PKIB: variants seen among roughly 807,000 people sequenced by gnomAD.
PKIB encodes the protein cAMP-dependent protein kinase inhibitor beta, also known as PKI-beta.
Under a neutral mutation model 4.5 loss-of-function variants are expected in PKIB, and 2 were observed. The ratio of observed to expected loss-of-function variants is 0.44; its 90% confidence interval spans 0.18 to 1.39. PKIB has a LOEUF of 1.39. PKIB is among the 40% of genes most tolerant of loss of function. The pLI is 0.27. For synonymous variants in PKIB, 38 were observed against 36.0 expected (o/e 1.06, Z -0.20); for missense variants, 94 against 92.6 (o/e 1.02, Z -0.06).
chr6:122,630,209 T>G (rs1299516913), intron 1 of PKIB, among the ~76,000 whole-genome samples: 3 of 152,122 alleles, frequency 2.0e-5, no homozygotes, highest in African/African-American at 7.2e-5. Context: ...AGCAGGGTGT[T>G]GAGGGGATAT....
At chr6:122,506,785 C>T (rs559436225) in intron 2 of PKIB, among the ~76,000 whole-genome samples, 79 of 148,884 alleles carry the variant, frequency 5.3e-4, no homozygotes, top group East Asian at 3.0e-3. Flanking sequence ...CTGCAAGCTC[C>T]GCCTCCCGGG....
chr6:122,709,006 A>C (rs574647841), intron 3 of PKIB, among the ~76,000 whole-genome samples: 2 of 152,334 alleles, frequency 1.3e-5, no homozygotes, highest in South Asian at 4.2e-4. Context: ...GTTGCTTAAA[A>C]GAATAATTGA....
intron 2 of PKIB, among the ~76,000 whole-genome samples, chr6:122,487,512 T>C (rs866796510): frequency 5.9e-5 from 9 of 152,282 alleles, no homozygotes; most frequent in Middle Eastern, 3.4e-3. Flanking sequence ...GCCTTCATGA[T>C]TGGGATTTAT....
At chr6:122,619,438 C>G (rs1217382633) in intron 1 of PKIB, among the ~76,000 whole-genome samples, 2 of 150,248 alleles carry the variant, frequency 1.3e-5, no homozygotes, top group African/African-American at 2.4e-5. Flanking sequence ...TTTTTTATAG[C>G]TATTTGTCCT....
intron 1 of PKIB, among the ~76,000 whole-genome samples, chr6:122,623,164 G>T (rs1775307889): frequency 6.6e-6 from 1 of 152,128 alleles, no homozygotes; most frequent in South Asian, 2.1e-4. Context: ...ACTAATATTT[G>T]AGATATTCTT....
chr6:122,611,135 G>A (rs573461836), intron 1 of PKIB, among the ~76,000 whole-genome samples: 1 of 152,374 alleles, frequency 6.6e-6, no homozygotes, highest in South Asian at 2.1e-4. Flanking sequence ...ACCCCGGCAG[G>A]CCGCAGGGAG....
At chr6:122,667,267 G>A (rs1562292842) in intron 2 of PKIB, among the ~76,000 whole-genome samples, 4 of 152,264 alleles carry the variant, frequency 2.6e-5, no homozygotes, top group South Asian at 4.1e-4. Flanking sequence ...CTATTAAAAT[G>A]TTGTAAGTCG....
At chr6:122,502,605 A>G (rs946578384) in intron 2 of PKIB, among the ~76,000 whole-genome samples, 1 of 152,102 alleles carries the variant, frequency 6.6e-6, no homozygotes, top group Non-Finnish European at 1.5e-5. Context: ...GAAAGGGGAA[A>G]GTCTGCCCCC....
rs138021685 is a variant in PKIB at position 122,714,266 on chromosome 6, C to T, written c.-8-3521C>T. Among the ~76,000 whole-genome samples, 26 of 152,278 alleles carry T rather than the reference C, an allele frequency of 1.7e-4. No individual in the cohort carries two copies. In the East Asian group the frequency reaches 3.7e-3, roughly 21 times the overall value. On this transcript the variant is annotated intron_variant, in intron 3 of 4. Coordinates refer to ENST00000368452, the MANE Select transcript of PKIB (RefSeq NM_181795.3). The stretch of plus-strand genomic sequence containing the variant: ...CTCTGGTGAAGCATGACATCTTGGT[C>T]AGTCAATATCAGTGGCAGACTGAAA...
chr6:122,602,688 G>T (rs1052165061), intron 3 of PKIB, among the ~76,000 whole-genome samples: 1 of 152,246 alleles, frequency 6.6e-6, no homozygotes, highest in South Asian at 2.1e-4. Flanking sequence ...GCCGAGGCAG[G>T]CGGATTGTTT....
intron 3 of PKIB, among the ~76,000 whole-genome samples, chr6:122,592,233 G>C (rs2114726399): frequency 6.6e-6 from 1 of 152,092 alleles, no homozygotes; most frequent in South Asian, 2.1e-4. Flanking sequence ...CATTTACATA[G>C]AGGATAAATA....
intron 3 of PKIB, among the ~76,000 whole-genome samples, chr6:122,709,603 A>C (rs950079508): frequency 5.9e-5 from 9 of 152,260 alleles, no homozygotes; most frequent in Middle Eastern, 3.4e-3. Context: ...TCACAAAAAC[A>C]GTTTCAGAAG....
At position 122,547,423 on chromosome 6, in the gene PKIB, C is replaced by T. The variant is rs184414539; in HGVS notation, c.-247-38498C>T. ...CGATCTCAGCTCACTGCAACCTCCG[C>T]CTCCTGGATTCAAGCGATTCTCCTG... On this transcript the variant is annotated intron_variant, in intron 2 of 6. Transcript: ENST00000392491. 4.1e-3 allele frequency among the ~76,000 whole-genome samples: 624 copies of T among 152,206 alleles called. 8 individuals are homozygous for T. Among genetic ancestry groups the T allele is most frequent in the African/African-American group, 0.014 (587 of 41,468 alleles).
At chr6:122,669,407 T>G (rs1777358654) in intron 2 of PKIB, among the ~76,000 whole-genome samples, 1 of 152,208 alleles carries the variant, frequency 6.6e-6, no homozygotes, top group Admixed American at 6.5e-5. Flanking sequence ...TCAAGGTTAA[T>G]TCTATTATTC....
chr6:122,580,431 T>G (rs183307459), intron 2 of PKIB, among the ~76,000 whole-genome samples: 1 of 152,320 alleles, frequency 6.6e-6, no homozygotes, highest in East Asian at 1.9e-4. Context: ...TATTGCCCAT[T>G]AGTATGTTAT....
At chr6:122,555,154 A>G (rs1772800194) in intron 2 of PKIB, among the ~76,000 whole-genome samples, 1 of 152,194 alleles carries the variant, frequency 6.6e-6, no homozygotes, top group Admixed American at 6.5e-5. Flanking sequence ...TAGAGATGGG[A>G]CTGATCCACT....
At chr6:122,519,255 C>T (rs1776861671) in intron 2 of PKIB, among the ~76,000 whole-genome samples, 1 of 152,044 alleles carries the variant, frequency 6.6e-6, no homozygotes, top group African/African-American at 2.4e-5. Flanking sequence ...GATTCTAATG[C>T]CTGATGATCT....
At chr6:122,513,201 G>T (rs1276110891) in intron 2 of PKIB, among the ~76,000 whole-genome samples, 2 of 152,086 alleles carry the variant, frequency 1.3e-5, no homozygotes, top group Non-Finnish European at 1.5e-5. Flanking sequence ...TACAGTACTA[G>T]CCTTAAGAGG....
chr6:122,574,571 C>A (rs567230155), intron 2 of PKIB, among the ~76,000 whole-genome samples: 1 of 152,158 alleles, frequency 6.6e-6, no homozygotes, highest in African/African-American at 2.4e-5. Flanking sequence ...GCATATAGAC[C>A]AATGGAACTG....
Sources: allele counts gnomAD v4.1 joint callset (sites outside exome capture counted in the v4.1 genomes callset), GRCh38; gene constraint gnomAD v4.1.1; transcripts MANE v1.5; gene names NCBI Gene and HGNC (gene_info 2026-07-23, HGNC 2026-07-21).